The following ZNF804A variants were observed in gnomAD, a reference collection of about 807,000 sequenced individuals.
The protein encoded by ZNF804A is zinc finger protein 804A.
In ZNF804A, 2 loss-of-function variants were observed where a neutral mutation model predicts 16.5. That is an observed-to-expected ratio of 0.12 (90% CI 0.05 to 0.38). ZNF804A has a LOEUF of 0.38. ZNF804A is among the 10% of genes least tolerant of loss of function. The pLI, the probability that ZNF804A is intolerant of heterozygous loss-of-function variation, is 0.99. For missense variants in ZNF804A, 1,473 were observed against 1,390.7 expected, an observed-to-expected ratio of 1.06 and a Z score of -0.94; for synonymous variants, 534 against 489.6, an observed-to-expected ratio of 1.09 and a Z score of -1.20.
intron 1 of ZNF804A, among the ~76,000 whole-genome samples, chr2:184,603,913 T>G (rs1014117708): frequency 1.3e-5 from 2 of 152,140 alleles, no homozygotes; most frequent in Non-Finnish European, 2.9e-5. Context: ...ATGTCCTTTT[T>G]CAGAACACAT....
At chr2:184,722,096 C>T (rs188956693) in intron 1 of ZNF804A, among the ~76,000 whole-genome samples, 10 of 151,676 alleles carry the variant, frequency 6.6e-5, no homozygotes, top group South Asian at 6.2e-4. Context: ...TGTGTGGGTG[C>T]GCGTGTGTAT....
chr2:184,934,669 CTT>C (rs1034904633), intron 3 of ZNF804A, among the ~76,000 whole-genome samples: 22 of 152,156 alleles, frequency 1.4e-4, no homozygotes, highest in African/African-American at 4.6e-4. Context: ...ACCTATGTAA[CTT>C]AACGCTCTAC....
At chr2:184,729,406 A>C (rs1393983414) in intron 1 of ZNF804A, among the ~76,000 whole-genome samples, 1 of 151,960 alleles carries the variant, frequency 6.6e-6, no homozygotes, top group African/African-American at 2.4e-5. Context: ...TAAAAACATG[A>C]GTATATGCCA....
At chr2:184,739,907 C>T (rs1225292802) in intron 1 of ZNF804A, among the ~76,000 whole-genome samples, 2 of 152,108 alleles carry the variant, frequency 1.3e-5, no homozygotes, top group African/African-American at 2.4e-5. Flanking sequence ...AGACATTCTC[C>T]AACATTCATT....
intron 2 of ZNF804A, among the ~76,000 whole-genome samples, chr2:184,898,364 A>G (rs1046272626): frequency 2.0e-5 from 3 of 151,822 alleles, no homozygotes; most frequent in Admixed American, 6.6e-5. Flanking sequence ...TCTCCTTTCC[A>G]GTTCAATAGC....
At chr2:184,804,512 G>A (rs955803391) in intron 1 of ZNF804A, among the ~76,000 whole-genome samples, 13 of 152,278 alleles carry the variant, frequency 8.5e-5, no homozygotes, top group East Asian at 5.8e-4. Flanking sequence ...TCAAGTAATT[G>A]AATTAAATAT....
chr2:184,615,688 GC>G (rs919064249), intron 1 of ZNF804A, among the ~76,000 whole-genome samples: 1 of 151,934 alleles, frequency 6.6e-6, no homozygotes, highest in Non-Finnish European at 1.5e-5. Flanking sequence ...ACAATCTCAA[GC>G]CCAATAATAG....
intron 1 of ZNF804A, among the ~76,000 whole-genome samples, chr2:184,739,525 C>G (rs145244446): frequency 6.6e-6 from 1 of 152,222 alleles, no homozygotes; most frequent in African/African-American, 2.4e-5. Flanking sequence ...TCCTTAGTAG[C>G]TGGGACTACA....
At chr2:184,837,199 T>C (rs1695364102) in intron 1 of ZNF804A, among the ~76,000 whole-genome samples, 1 of 152,070 alleles carries the variant, frequency 6.6e-6, no homozygotes, top group Admixed American at 6.6e-5. Context: ...GTCTTATGTT[T>C]CTTGATACCA....
At chr2:184,752,852 G>A (rs932135739) in intron 1 of ZNF804A, among the ~76,000 whole-genome samples, 12 of 151,426 alleles carry the variant, frequency 7.9e-5, no homozygotes, top group Admixed American at 6.6e-4. Context: ...TGATCAACGG[G>A]CACATTAAAA....
At chr2:184,820,557 T>C (rs996279573) in intron 1 of ZNF804A, among the ~76,000 whole-genome samples, 2 of 152,274 alleles carry the variant, frequency 1.3e-5, no homozygotes, top group Admixed American at 6.5e-5. Flanking sequence ...GTATTGGAAG[T>C]TCTTGCAAGG....
At chr2:184,769,571 G>A (rs893838489) in intron 1 of ZNF804A, among the ~76,000 whole-genome samples, 1 of 152,002 alleles carries the variant, frequency 6.6e-6, no homozygotes, top group Non-Finnish European at 1.5e-5. Flanking sequence ...TGGAAGGTCT[G>A]CTATATTTAG....
chr2:184,620,757 G>T (rs1002576624), intron 1 of ZNF804A, among the ~76,000 whole-genome samples: 3 of 151,662 alleles, frequency 2.0e-5, no homozygotes, highest in Non-Finnish European at 3.0e-5. Flanking sequence ...TAAGCATTCT[G>T]TAGAGAAGTG....
chr2:184,630,066 C>T (rs1004150449), intron 1 of ZNF804A, among the ~76,000 whole-genome samples: 1 of 152,028 alleles, frequency 6.6e-6, no homozygotes, highest in African/African-American at 2.4e-5. Flanking sequence ...TAGTTTTTTT[C>T]CATGAGTTCT....
intron 1 of ZNF804A, among the ~76,000 whole-genome samples, chr2:184,718,335 C>G (rs1048819005): frequency 6.6e-6 from 1 of 152,104 alleles, no homozygotes; most frequent in African/African-American, 2.4e-5. Context: ...GGGACACAGC[C>G]AAACCATATC....
chr2:184,728,908 G>A (rs79895553), intron 1 of ZNF804A, among the ~76,000 whole-genome samples: 2,514 of 151,914 alleles, frequency 0.017, 25 homozygotes, highest in Non-Finnish European at 0.026. Flanking sequence ...TGAACCTGGA[G>A]AACATGATAT....
At chr2:184,789,481 T>C (rs1039253567) in intron 1 of ZNF804A, among the ~76,000 whole-genome samples, 2 of 152,078 alleles carry the variant, frequency 1.3e-5, no homozygotes, top group African/African-American at 4.8e-5. Context: ...GTTGTTGTTG[T>C]TGTTAATTTT....
chr2:184,743,768 A>T (rs985615881), intron 1 of ZNF804A, among the ~76,000 whole-genome samples: 1 of 151,940 alleles, frequency 6.6e-6, no homozygotes, highest in African/African-American at 2.4e-5. Flanking sequence ...ATATATCTAT[A>T]CTTAGTTTAT....
chr2:184,752,268 G>T (rs1048794552), intron 1 of ZNF804A, among the ~76,000 whole-genome samples: 1 of 151,414 alleles, frequency 6.6e-6, no homozygotes, highest in Non-Finnish European at 1.5e-5. Flanking sequence ...AGATAATGTG[G>T]TATATATACA....
Sources: gnomAD v4.1 joint callset for allele counts (sites outside exome capture counted in the v4.1 genomes callset) on GRCh38, gnomAD v4.1.1 for gene constraint, MANE v1.5 for transcripts, NCBI Gene and HGNC (gene_info 2026-07-23, HGNC 2026-07-21) for gene names.